The following IRAK1 variants were observed in gnomAD, a reference collection of about 807,000 sequenced individuals.
The protein encoded by IRAK1 is interleukin-1 receptor-associated kinase 1.
IRAK1 carries 9 observed loss-of-function variants against 49.8 expected under a neutral mutation model. The observed-to-expected ratio is 0.18, with a 90% CI of 0.11 to 0.32. IRAK1 has a LOEUF of 0.32. Ranked by LOEUF, IRAK1 falls within the 10% of genes least tolerant of loss-of-function variation. IRAK1 has a pLI of 1.00. For synonymous variants in IRAK1, 282 were observed against 270.8 expected, an observed-to-expected ratio of 1.04 and a Z score of -0.41; for missense variants, 418 against 600.5, an observed-to-expected ratio of 0.70 and a Z score of 3.18.
At chrX:154,013,810 G>A (rs1658671024) in intron 11 of IRAK1, among the ~76,000 whole-genome samples, 1 of 112,743 alleles carries the variant, frequency 8.9e-6, no homozygotes, top group African/African-American at 3.2e-5. Context: ...CGCGGCAGCA[G>A]CTCTTTCCTT....
chrX:154,012,485 C>A, intron 13 of IRAK1, 44 bp downstream of exon 13: 1 of 1,171,852 alleles, frequency 8.5e-7, no homozygotes, highest in African/African-American at 1.8e-5. Flanking sequence ...GGGGCTGACA[C>A]GGATGCGCCT....
intron 10 of IRAK1, among the ~76,000 whole-genome samples, chrX:154,015,426 C>T (rs782721365): frequency 3.0e-4 from 34 of 112,665 alleles, no homozygotes; most frequent in South Asian, 7.2e-4. Flanking sequence ...ACACAGGAAC[C>T]GCCCCAAACA....
At chrX:154,016,893 C>T (rs903739779) in intron 8 of IRAK1, 56 bp downstream of exon 8, 37 of 924,694 alleles carry the variant, frequency 4.0e-5, no homozygotes, top group Middle Eastern at 2.8e-4. Flanking sequence ...TGATAGGACG[C>T]GGGGCCCCCC....
Position 154,019,097 on chromosome X carries a change from G to T in IRAK1, c.437-19C>A, listed in dbSNP as rs781866451. The T allele has an allele frequency of 1.1e-5, 13 of 1,203,486 alleles. No homozygotes were observed. The highest frequency in any genetic ancestry group is 1.4e-5 in the Non-Finnish European group (12 of 887,756). On this transcript the variant is annotated intron_variant, in intron 3 of 13. Coordinates refer to ENST00000369980, the MANE Select transcript of IRAK1 (RefSeq NM_001569.4). ...GGAAAAGCTTCATAAAGACACCAGT[G>T]AGAGGCAGGCAGAGACCAGCAGCAG...
At position 154,016,649 on chromosome X, in the gene IRAK1, G is replaced by C; in HGVS notation, c.1029-5C>G. ...TCATCCAGAAGGACGTTGGAACTTG[G>C]GGAGAGAAGACAGTGGCGTCAGCCC... On this transcript the variant is annotated splice_polypyrimidine_tract_variant and splice_region_variant and intron_variant, in intron 8 of 13. Transcript: ENST00000369980. 1 of 1,198,171 alleles carries C rather than the reference G, an allele frequency of 8.3e-7. No individual in the cohort carries two copies. Among genetic ancestry groups the C allele is most frequent in the Non-Finnish European group, 1.1e-6 (1 of 882,929 alleles).
chrX:154,014,666 T>TA (rs1557128669), intron 10 of IRAK1, among the ~76,000 whole-genome samples: 1 of 111,704 alleles, frequency 9.0e-6, no homozygotes, highest in African/African-American at 3.3e-5. Context: ...TACAGGTGTG[T>TA]ACCACCATGC....
chrX:154,018,449 A>C (rs1680337821), intron 5 of IRAK1, 94 bp from the exon 6 acceptor site: 4 of 925,774 alleles, frequency 4.3e-6, no homozygotes, highest in Admixed American at 2.3e-5. Context: ...AGTGCCACCT[A>C]CCCGAGGCCC....
chrX:154,013,331 C>T lies in IRAK1; in HGVS notation c.1642G>A (p.Val548Met), dbSNP rs140583367. The T allele has an allele frequency of 5.8e-6, 7 of 1,205,591 alleles. No individual in the cohort carries two copies. The highest frequency in any genetic ancestry group is 5.2e-5 in the African/African-American group (3 of 57,408). ...IPPSPQENSY[V>M]SSTGRAHSGA... ...CTGTGGGCTCTGCCAGTGCTGGACA[C>T]GTAGGAGTTCTCCTGCGGGGAAGGG... The change falls in exon 12 of 14, where the codon GTG becomes ATG. Residue 548 changes from valine (V) to methionine (M), a missense_variant. This residue lies in a region of IRAK1 where 377 missense variants were observed against 499.5 expected (regional missense o/e 0.75). Transcript: ENST00000369980.
rs55984819 is a variant in IRAK1, at chrX:154,011,940, C to T, written c.2081-23G>A. 1,337 of 1,189,602 alleles carry T rather than the reference C, an allele frequency of 1.1e-3. 4 individuals are homozygous for T. The highest frequency in any genetic ancestry group is 9.8e-3 in the South Asian group (552 of 56,506). Reference sequence around the variant, plus strand: ...AGCCTACAGAAGGAAGAGGAAAGTCCGCTTAGCAAATGGGGGAGGCTCCCC... The same window carrying T: ...AGCCTACAGAAGGAAGAGGAAAGTCTGCTTAGCAAATGGGGGAGGCTCCCC... On this transcript the variant is annotated intron_variant, in intron 13 of 13. Coordinates refer to ENST00000369980, the MANE Select transcript of IRAK1 (RefSeq NM_001569.4).
At chrX:154,012,939 C>T in intron 12 of IRAK1, 104 bp downstream of exon 12, 1 of 1,033,067 alleles carries the variant, frequency 9.7e-7, no homozygotes, top group Non-Finnish European at 1.3e-6. Context: ...GTGAGCTGAA[C>T]ATTTGGCCCT....
chrX:154,012,656 T>C lies in IRAK1; in HGVS notation c.1953A>G (p.Ala651=). 1 of 1,211,309 alleles carries C rather than the reference T, an allele frequency of 8.3e-7. No individual in the cohort carries two copies. Among genetic ancestry groups the C allele is most frequent in the Non-Finnish European group, 1.1e-6 (1 of 895,004 alleles). ...TCTGCGGTGGCTCTGACGACGATGA[T>C]GCAGAGCTGCCAAGGGCCAGTCCTG... ...AVEGLALGSS[A]SSSSEPPQII... The change falls in exon 13 of 14, where the codon GCA becomes GCG. Residue 651 remains alanine (A), a synonymous_variant. Transcript: ENST00000369980.
chrX:154,013,922 C>G lies in IRAK1; in HGVS notation c.1539+120G>C, dbSNP rs1226371238. The G allele has an allele frequency of 6.1e-6, 6 of 982,674 alleles. No individual in the cohort carries two copies. In the East Asian group the frequency reaches 2.0e-4, roughly 34 times the overall value. 81.0% of individuals were successfully genotyped at this position (982,674 alleles called of 1,213,427 possible). A position where few individuals can be genotyped will look rare whatever the true frequency, so the allele number is the denominator to read the frequency against. ...GCCCCAAACAGAACCAAAGGGCAAG[C>G]AAGAAATGTGTGGAGACTCCAGAGA... On this transcript the variant is annotated intron_variant, in intron 11 of 13. Coordinates refer to ENST00000369980, the MANE Select transcript of IRAK1 (RefSeq NM_001569.4).
At position 154,019,860 on chromosome X, in the gene IRAK1, G is replaced by T. The variant is rs2065771067; in HGVS notation, c.-48C>A. 4.3e-6 allele frequency: 3 copies of T among 699,892 alleles called. No homozygotes were observed. The African/African-American group carries it at 7.2e-5, about 17-fold the overall frequency. 57.7% of individuals were successfully genotyped at this position (699,892 alleles called of 1,213,427 possible). On this transcript the variant is annotated 5_prime_UTR_variant, in exon 1 of 14. Coordinates refer to ENST00000369980, the MANE Select transcript of IRAK1 (RefSeq NM_001569.4). ...CCTGCCGGGGCCTCTCAGGGCCGCG[G>T]CGGGCGCGGGCCTGGGCCGGCCGGG...
intron 10 of IRAK1, 139 bp downstream of exon 10, chrX:154,015,893 G>A: frequency 3.7e-6 from 2 of 547,262 alleles, no homozygotes; most frequent in South Asian, 2.5e-5. Context: ...TTGGAGCCCT[G>A]CCTACTTTCA....
chrX:154,012,618 G>C lies in IRAK1; in HGVS notation c.1991C>G (p.Pro664Arg), dbSNP rs1557127818. 1 of 1,211,908 alleles carries C rather than the reference G, an allele frequency of 8.3e-7. No individual in the cohort carries two copies. The highest frequency in any genetic ancestry group is 1.1e-6 in the Non-Finnish European group (1 of 895,263). ...CTTCTGGACCATCTTCTGTCGGGCA[G>C]GGTTGATGATAATCTGCGGTGGCTC... is the stretch of plus-strand genomic sequence containing the variant. ...SSEPPQIIIN[P>R]ARQKMVQKLA... Residue 664 changes from proline (P) to arginine (R), a missense_variant, in exon 13 of 14, where the codon CCT becomes CGT. By Grantham distance (103) the Pro-to-Arg change is moderately radical. Transcript: ENST00000369980.
Position 154,011,775 on chromosome X carries a change from G to A in IRAK1, c.*84C>T, listed in dbSNP as rs2065700069. On this transcript the variant is annotated 3_prime_UTR_variant, in exon 14 of 14. Coordinates refer to ENST00000369980, the MANE Select transcript of IRAK1 (RefSeq NM_001569.4). ...GGCCCCCACCCCCACTGCCGGCAGAGTGCTGAGGACTCGTGCACCATGAGA... is the reference window on the plus strand; with the variant it reads ...GGCCCCCACCCCCACTGCCGGCAGAATGCTGAGGACTCGTGCACCATGAGA... The A allele has an allele frequency of 3.1e-6, 3 of 968,887 alleles. No homozygotes were observed. Among genetic ancestry groups the A allele is most frequent in the Non-Finnish European group, 4.4e-6 (3 of 674,357 alleles). 79.8% of individuals were successfully genotyped at this position (968,887 alleles called of 1,213,427 possible). A position where few individuals can be genotyped will look rare whatever the true frequency, so the allele number is the denominator to read the frequency against.
chrX:154,015,832 T>C (rs1250225437), intron 10 of IRAK1, among the ~76,000 whole-genome samples, 200 bp downstream of exon 10: 1 of 112,479 alleles, frequency 8.9e-6, no homozygotes, highest in African/African-American at 3.2e-5. Context: ...ACAAGGCCCA[T>C]AGTGTCTGCA....
Position 154,011,278 on chromosome X carries a change from C to T in IRAK1, c.*581G>A, listed in dbSNP as rs2065696234. The T allele has an allele frequency of 3.8e-6, 1 of 260,904 alleles. No homozygotes were observed. The highest frequency in any genetic ancestry group is 4.8e-5 in the Admixed American group (1 of 20,649). The allele number at this position is 260,904 out of a possible 1,213,427, so 21.5% of individuals were successfully genotyped here. A position where few individuals can be genotyped will look rare whatever the true frequency, so the allele number is the denominator to read the frequency against. On this transcript the variant is annotated 3_prime_UTR_variant, in exon 14 of 14. Transcript: ENST00000369980. ...AGTTTAAAAAATTTTTTGGCAGAGA[C>T]AGGGTCTCATCATGTTGCCCTGGCT...
Position 154,011,725 on chromosome X carries a change from C to T in IRAK1, c.*134G>A. On this transcript the variant is annotated 3_prime_UTR_variant, in exon 14 of 14. Transcript: ENST00000369980. Reference sequence around the variant, plus strand: ...CACAGAGCCTAGAACAGCAGGGCCACCTCCTTCTCTCCCCCGCGGGCATGG... The same window carrying T: ...CACAGAGCCTAGAACAGCAGGGCCATCTCCTTCTCTCCCCCGCGGGCATGG... 1.6e-6 allele frequency: 1 copy of T among 628,280 alleles called. No homozygotes were observed. The highest frequency in any genetic ancestry group is 2.7e-6 in the Non-Finnish European group (1 of 370,456). The allele number at this position is 628,280 out of a possible 1,213,427, so 51.8% of individuals were successfully genotyped here.
Sources: gnomAD v4.1 joint callset for allele counts (sites outside exome capture counted in the v4.1 genomes callset) on GRCh38, gnomAD v4.1.1 for gene constraint, gnomAD v4.1.1 regional missense constraint, MANE v1.5 for transcripts, NCBI Gene and HGNC (gene_info 2026-07-23, HGNC 2026-07-21) for gene names.